PTPRT: variants seen among roughly 807,000 people sequenced by gnomAD.
PTPRT encodes the protein protein tyrosine phosphatase receptor type T.
In PTPRT, 56 loss-of-function variants were observed where a neutral mutation model predicts 176.8. The observed-to-expected ratio is 0.32, with a 90% CI of 0.26 to 0.40. The LOEUF (loss-of-function observed/expected upper bound fraction) is 0.40, where lower values mean the gene tolerates loss of function less well. Among genes scored for constraint, PTPRT ranks in the 10% least tolerant of loss-of-function variants. PTPRT has a pLI of 1.00. For missense variants in PTPRT, 1,540 were observed against 1,908.2 expected (o/e 0.81, Z 3.60); for synonymous variants, 783 against 739.0 (o/e 1.06, Z -0.96).
At chr20:42,761,823 T>A (rs1389814429) in intron 5 of PTPRT, among the ~76,000 whole-genome samples, 1 of 152,182 alleles carries the variant, frequency 6.6e-6, no homozygotes, top group Non-Finnish European at 1.5e-5. Context: ...TGATATCACT[T>A]TGCTGAGGGG....
chr20:42,822,425 T>C (rs1462988867), intron 2 of PTPRT, among the ~76,000 whole-genome samples: 6 of 152,050 alleles, frequency 3.9e-5, no homozygotes, highest in Non-Finnish European at 4.4e-5. Flanking sequence ...GACTTAAATG[T>C]AAAACCCAAA....
chr20:42,052,007 T>C, the PTPRT span, among the ~76,000 whole-genome samples: 2 of 152,294 alleles, frequency 1.3e-5, no homozygotes, highest in South Asian at 4.1e-4. Context: ...CTGATTGATG[T>C]GTTTGTGTGG....
At chr20:42,787,224 G>A (rs1215925149) in intron 3 of PTPRT, among the ~76,000 whole-genome samples, 1 of 152,168 alleles carries the variant, frequency 6.6e-6, no homozygotes, top group Non-Finnish European at 1.5e-5. Context: ...TGGATAGGAA[G>A]ACTATATAAT....
chr20:42,660,039 T>C (rs1385480213), intron 7 of PTPRT, among the ~76,000 whole-genome samples: 1 of 152,182 alleles, frequency 6.6e-6, no homozygotes, highest in Non-Finnish European at 1.5e-5. Flanking sequence ...CTGTGTAAAA[T>C]GACAGTGATC....
chr20:42,397,931 G>C (rs1254426738), intron 9 of PTPRT, among the ~76,000 whole-genome samples: 1 of 152,116 alleles, frequency 6.6e-6, no homozygotes, highest in Non-Finnish European at 1.5e-5. Context: ...CTTTGTACCA[G>C]TCATTTTCTT....
At chr20:42,777,809 T>TG (rs139523797) in intron 4 of PTPRT, among the ~76,000 whole-genome samples, 110 of 152,310 alleles carry the variant, frequency 7.2e-4, no homozygotes, top group African/African-American at 2.6e-3. Flanking sequence ...TCGTGAGCTG[T>TG]GGATATACCT....
At chr20:42,693,771 T>C (rs1600621033) in intron 6 of PTPRT, among the ~76,000 whole-genome samples, 1 of 152,150 alleles carries the variant, frequency 6.6e-6, no homozygotes, top group Non-Finnish European at 1.5e-5. Flanking sequence ...TAAAATAGAA[T>C]GTTTCTGACC....
At chr20:42,352,817 T>C (rs1049408835) in intron 9 of PTPRT, among the ~76,000 whole-genome samples, 6 of 152,114 alleles carry the variant, frequency 3.9e-5, no homozygotes, top group African/African-American at 1.4e-4. Context: ...TATGTCAAAA[T>C]ACCTCGTGTA....
At chr20:42,609,630 G>T (rs2073940395) in intron 7 of PTPRT, among the ~76,000 whole-genome samples, 1 of 152,170 alleles carries the variant, frequency 6.6e-6, no homozygotes, top group South Asian at 2.1e-4. Context: ...TTTCTACCAA[G>T]ATATGGAATC....
At chr20:42,688,443 C>T in intron 6 of PTPRT, 1 of 152,224 alleles carries the variant, frequency 6.6e-6, no homozygotes, top group Admixed American at 6.5e-5. Flanking sequence ...GTTACCCCAG[C>T]CCCAGGTGTG....
At chr20:42,583,694 A>C (rs982308862) in intron 7 of PTPRT, among the ~76,000 whole-genome samples, 3 of 152,212 alleles carry the variant, frequency 2.0e-5, no homozygotes, top group African/African-American at 7.2e-5. Context: ...GGCTTATTAC[A>C]CAGATTTACA....
chr20:43,093,388 G>A (rs1383992046), intron 1 of PTPRT, among the ~76,000 whole-genome samples: 1 of 152,200 alleles, frequency 6.6e-6, no homozygotes, highest in East Asian at 1.9e-4. Context: ...ACGTTGGACT[G>A]TTTCTACTCC....
At chr20:42,301,773 T>C (rs1277066476) in intron 12 of PTPRT, among the ~76,000 whole-genome samples, 1 of 152,132 alleles carries the variant, frequency 6.6e-6, no homozygotes, top group Non-Finnish European at 1.5e-5. Context: ...TTTACACTAT[T>C]CTTGAAACAT....
chr20:42,202,292 C>T (rs777041215), intron 15 of PTPRT, among the ~76,000 whole-genome samples: 3 of 152,080 alleles, frequency 2.0e-5, no homozygotes, highest in Non-Finnish European at 4.4e-5. Context: ...TTATACGTCT[C>T]GTTTTGGCCA....
chr20:42,381,066 G>A (rs1322034685), intron 9 of PTPRT, among the ~76,000 whole-genome samples: 1 of 152,006 alleles, frequency 6.6e-6, no homozygotes. Context: ...ACTCACTATC[G>A]GGACAACAGC....
At chr20:42,655,974 G>T (rs1405549891) in intron 7 of PTPRT, among the ~76,000 whole-genome samples, 1 of 152,114 alleles carries the variant, frequency 6.6e-6, no homozygotes, top group Admixed American at 6.6e-5. Flanking sequence ...ATTGGGCAGA[G>T]GACACAGCCC....
chr20:42,572,976 C>T (rs1326760372), intron 7 of PTPRT, among the ~76,000 whole-genome samples: 9 of 127,454 alleles, frequency 7.1e-5, no homozygotes, highest in African/African-American at 2.8e-4. Flanking sequence ...TTTTTTTTGG[C>T]ATATATGTCT....
At chr20:42,479,213 T>C (rs1286342865) in intron 7 of PTPRT, among the ~76,000 whole-genome samples, 1 of 152,262 alleles carries the variant, frequency 6.6e-6, no homozygotes, top group East Asian at 1.9e-4. Flanking sequence ...TTGCTACGTA[T>C]TCATGTTTGC....
intron 10 of PTPRT, 27 bp downstream of exon 10, chr20:42,352,057 T>C: frequency 1.3e-6 from 2 of 1,599,170 alleles, no homozygotes; most frequent in East Asian, 2.2e-5. Context: ...ACAACCTTTT[T>C]TCCTTTTTCC....
Sources: allele counts gnomAD v4.1 joint callset (sites outside exome capture counted in the v4.1 genomes callset), GRCh38; gene constraint gnomAD v4.1.1; transcripts MANE v1.5; gene names NCBI Gene and HGNC (gene_info 2026-07-23, HGNC 2026-07-21).